The following C6orf62 variants were observed in gnomAD, a reference collection of about 807,000 sequenced individuals.
C6orf62 encodes the protein uncharacterized protein C6orf62.
A neutral mutation model predicts 26.8 loss-of-function variants in C6orf62; 16 were observed. That is an observed-to-expected ratio of 0.60 (90% CI 0.40 to 0.91). The LOEUF is 0.91. Among genes scored for constraint, C6orf62 ranks in the 40% least tolerant of loss-of-function variants. The pLI is 0.00. For synonymous variants in C6orf62, 112 were observed against 91.5 expected (o/e 1.22, Z -1.28); for missense variants, 192 against 271.4 (o/e 0.71, Z 2.06).
At chr6:24,716,719 C>T (rs1328095258) in intron 1 of C6orf62, among the ~76,000 whole-genome samples, 1 of 151,700 alleles carries the variant, frequency 6.6e-6, no homozygotes, top group Non-Finnish European at 1.5e-5. Context: ...ATCAATATTT[C>T]TGGTTTTTCT....
chr6:24,719,609 G>A (rs954870830), upstream of C6orf62: 1 of 1,425,154 alleles, frequency 7.0e-7, no homozygotes, highest in Admixed American at 2.9e-5. Flanking sequence ...CGGCTCTGTG[G>A]TTAGACCTGA....
intron 3 of C6orf62, chr6:24,710,454 G>C (rs1275673441): frequency 2.4e-6 from 1 of 414,016 alleles, no homozygotes; most frequent in Admixed American, 6.4e-5. Flanking sequence ...AGTAGAGATA[G>C]GACTTCTTTA....
At chr6:24,713,269 CAG>C (rs1779156817) in intron 3 of C6orf62, among the ~76,000 whole-genome samples, 1 of 152,148 alleles carries the variant, frequency 6.6e-6, no homozygotes, top group Non-Finnish European at 1.5e-5. Context: ...CATTATAAGT[CAG>C]GGGAATCTGT....
At chr6:24,711,369 G>C (rs1436814640) in intron 3 of C6orf62, among the ~76,000 whole-genome samples, 1 of 152,102 alleles carries the variant, frequency 6.6e-6, no homozygotes, top group Non-Finnish European at 1.5e-5. Flanking sequence ...CATTAATAAT[G>C]AAGAGAAAAG....
chr6:24,708,728 A>C (rs751132158), intron 4 of C6orf62, 49 bp downstream of exon 4: 4 of 1,610,962 alleles, frequency 2.5e-6, no homozygotes, highest in African/African-American at 1.3e-5. Context: ...TTTACTAACC[A>C]ATAAGTTTTT....
chr6:24,720,000 A>G (rs1221134985), upstream of C6orf62: 2 of 1,529,530 alleles, frequency 1.3e-6, no homozygotes, highest in African/African-American at 2.8e-5. Flanking sequence ...TGTTAATATT[A>G]CTTCTAAAGT....
At chr6:24,720,192 C>T (rs1234629009), upstream of C6orf62, 3 of 1,361,488 alleles carry the variant, frequency 2.2e-6, no homozygotes, top group Admixed American at 3.6e-5. Flanking sequence ...CCCTCCCTGT[C>T]CCCGCGGAGC....
chr6:24,714,520 C>T, intron 2 of C6orf62, 80 bp from the exon 3 acceptor site: 1 of 1,025,896 alleles, frequency 9.7e-7, no homozygotes, highest in Non-Finnish European at 1.4e-6. Flanking sequence ...ATAGGGTTCC[C>T]CTATAAAAAC....
upstream of C6orf62, chr6:24,719,324 T>C (rs951101691): frequency 1.2e-5 from 12 of 996,002 alleles, no homozygotes; most frequent in African/African-American, 1.9e-4. Flanking sequence ...GTATTGTCAG[T>C]GCTTGTTATT....
At chr6:24,710,963 G>A (rs1011479342) in intron 3 of C6orf62, among the ~76,000 whole-genome samples, 1 of 152,080 alleles carries the variant, frequency 6.6e-6, no homozygotes, top group African/African-American at 2.4e-5. Flanking sequence ...CTGCACTCCA[G>A]CCTGGATGAC....
Position 24,714,321 on chromosome 6 carries a change from A to T in C6orf62, c.426T>A (p.Val142=). 1 of 1,605,004 alleles carries T rather than the reference A, an allele frequency of 6.2e-7. No individual in the cohort carries two copies. The highest frequency in any genetic ancestry group is 8.5e-7 in the Non-Finnish European group (1 of 1,177,260). ...WKESDEPFRP[V]QAKFEFHHGD... The stretch of plus-strand genomic sequence containing the variant: ...ATCACACTTTAGACCAAAATACCTG[A>T]ACAGGCCTAAAAGGCTCATCAGATT... Residue 142 remains valine (V), a synonymous_variant, in exon 3 of 5, where the codon GTT becomes GTA. Transcript: ENST00000378119.
Position 24,718,845 on chromosome 6 carries a change from CAT to C in C6orf62, c.-179_-178del, listed in dbSNP as rs1160667332. The C allele has an allele frequency of 6.9e-7, 1 of 1,449,600 alleles. No individual in the cohort carries two copies. Among genetic ancestry groups the C allele is most frequent in the Non-Finnish European group, 9.0e-7 (1 of 1,109,924 alleles). The allele number at this position is 1,449,600 out of a possible 1,614,324, so 89.8% of individuals were successfully genotyped here. A position where few individuals can be genotyped will look rare whatever the true frequency, so the allele number is the denominator to read the frequency against. On this transcript the variant is annotated 5_prime_UTR_variant, in exon 1 of 5. In the 5' UTR this introduces an upstream ATG that the reference lacks. Coordinates refer to ENST00000378119, the MANE Select transcript of C6orf62 (RefSeq NM_030939.5). ...CCTTCTGTCAATATTAGCAGACTGTCATATTACAGGGTCAAGAAACAAAAGCT... is the reference window on the plus strand; with the variant it reads ...CCTTCTGTCAATATTAGCAGACTGTCATTACAGGGTCAAGAAACAAAAGCT...
At chr6:24,712,485 A>G (rs1253013363) in intron 3 of C6orf62, among the ~76,000 whole-genome samples, 1 of 152,112 alleles carries the variant, frequency 6.6e-6, no homozygotes, top group African/African-American at 2.4e-5. Flanking sequence ...CCCGGCCAAC[A>G]TGGTGAAAAC....
intron 2 of C6orf62, among the ~76,000 whole-genome samples, chr6:24,715,740 C>A (rs1779212150): frequency 6.7e-6 from 1 of 148,528 alleles, no homozygotes. Context: ...CCCAGCTACT[C>A]GGGAGGCTAA....
intron 1 of C6orf62, among the ~76,000 whole-genome samples, chr6:24,717,381 G>A (rs1020657794): frequency 2.0e-5 from 3 of 152,238 alleles, no homozygotes; most frequent in African/African-American, 4.8e-5. Flanking sequence ...AAGTGGAGAT[G>A]TAAGTCCTTG....
In C6orf62 at chr6:24,714,324, A is replaced by G. The variant is rs1185429688; in HGVS notation, c.423T>C (p.Pro141=). The G allele has an allele frequency of 3.1e-6, 5 of 1,604,390 alleles. No homozygotes were observed. In the South Asian group the frequency reaches 4.5e-5, roughly 14 times the overall value. ...RWKESDEPFR[P]VQAKFEFHHG... ...ACACTTTAGACCAAAATACCTGAAC[A>G]GGCCTAAAAGGCTCATCAGATTCTT... Residue 141 remains proline (P), a synonymous_variant, in exon 3 of 5, where the codon CCT becomes CCC. Transcript: ENST00000378119.
At chr6:24,720,283 AG>A, upstream of C6orf62, 2 of 1,294,206 alleles carry the variant, frequency 1.5e-6, no homozygotes, top group Non-Finnish European at 1.9e-6. Context: ...CGGCGGCGGA[AG>A]AGGCGGCGGC....
At chr6:24,708,079 TA>T (rs140959888) in intron 4 of C6orf62, among the ~76,000 whole-genome samples, 10,588 of 152,122 alleles carry the variant, frequency 0.07, 1,233 homozygotes, top group East Asian at 0.47. Flanking sequence ...GGGTTCTGTT[TA>T]AAGTGCAGAC....
chr6:24,716,367 G>A (rs907818208), intron 1 of C6orf62, 43 bp from the exon 2 acceptor site: 3 of 1,401,648 alleles, frequency 2.1e-6, no homozygotes, highest in Non-Finnish European at 3.0e-6. Flanking sequence ...AGGGAGCACA[G>A]CCTTTTAACA....
Sources: allele counts gnomAD v4.1 joint callset (sites outside exome capture counted in the v4.1 genomes callset), GRCh38; gene constraint gnomAD v4.1.1; transcripts MANE v1.5; gene names NCBI Gene and HGNC (gene_info 2026-07-23, HGNC 2026-07-21).